The following ZNG1E variants were observed in gnomAD, a reference collection of about 807,000 sequenced individuals.
The protein encoded by ZNG1E is Zn regulated GTPase metalloprotein activator 1E.
chr9:65,710,572 CG>C, the ZNG1E span, among the ~76,000 whole-genome samples: 1 of 149,692 alleles, frequency 6.7e-6, no homozygotes, highest in East Asian at 2.0e-4. Context: ...TTTCTACATA[CG>C]GCTAGCCAGT....
At chr9:65,667,487 C>A in the ZNG1E span, among the ~76,000 whole-genome samples, 1 of 152,242 alleles carries the variant, frequency 6.6e-6, no homozygotes, top group Non-Finnish European at 1.5e-5. Context: ...CGAAGCTAAC[C>A]AGTCTAAAAT....
the ZNG1E span, among the ~76,000 whole-genome samples, chr9:65,668,028 T>C: frequency 6.9e-6 from 1 of 145,142 alleles, no homozygotes; most frequent in Non-Finnish European, 1.5e-5. Context: ...GATGTATTTC[T>C]AATTCTAGTG....
the ZNG1E span, among the ~76,000 whole-genome samples, chr9:65,680,381 T>C: frequency 2.0e-5 from 3 of 152,228 alleles, no homozygotes; most frequent in Admixed American, 6.5e-5. Context: ...ACTGTTTTTT[T>C]CATCATCTTA....
chr9:65,706,401 C>G, the ZNG1E span: 1 of 80,954 alleles, frequency 1.2e-5, no homozygotes. Context: ...CTTTTTCTTT[C>G]CCTTTTTTGT....
At chr9:65,665,288 C>T in the ZNG1E span, among the ~76,000 whole-genome samples, 10 of 152,262 alleles carry the variant, frequency 6.6e-5, no homozygotes, top group African/African-American at 2.4e-4. Flanking sequence ...GCCCAGGGTC[C>T]CTCTGCTGTA....
the ZNG1E span, among the ~76,000 whole-genome samples, chr9:65,667,061 T>C: frequency 3.9e-5 from 6 of 152,252 alleles, no homozygotes; most frequent in African/African-American, 1.4e-4. Flanking sequence ...CCTCAGGTGA[T>C]CCACCTGTCT....
the ZNG1E span, among the ~76,000 whole-genome samples, chr9:65,671,602 G>A: frequency 2.0e-5 from 3 of 152,240 alleles, no homozygotes; most frequent in East Asian, 5.8e-4. Context: ...TTACAGGCAT[G>A]AGCCACTGTG....
At chr9:65,683,878 G>T in the ZNG1E span, among the ~76,000 whole-genome samples, 1 of 152,280 alleles carries the variant, frequency 6.6e-6, no homozygotes, top group Non-Finnish European at 1.5e-5. Flanking sequence ...CTAATATGTT[G>T]GCGTTAAATA....
At chr9:65,714,305 C>A in the ZNG1E span, among the ~76,000 whole-genome samples, 1 of 151,174 alleles carries the variant, frequency 6.6e-6, no homozygotes, top group South Asian at 2.1e-4. Flanking sequence ...GTTTGAATGT[C>A]CTCCCGTAGC....
the ZNG1E span, among the ~76,000 whole-genome samples, chr9:65,664,840 A>C: frequency 6.6e-6 from 1 of 152,186 alleles, no homozygotes; most frequent in Non-Finnish European, 1.5e-5. Flanking sequence ...GGAAACAAGA[A>C]ACTTGTTGGG....
At chr9:65,698,291 TC>T in the ZNG1E span, among the ~76,000 whole-genome samples, 31 of 6,826 alleles carry the variant, frequency 4.5e-3, no homozygotes, top group African/African-American at 0.02. Context: ...GCCCTCTTCC[TC>T]CCCCTATAAA....
chr9:65,695,938 A>AT, the ZNG1E span, among the ~76,000 whole-genome samples: 1 of 151,740 alleles, frequency 6.6e-6, no homozygotes, highest in Admixed American at 6.6e-5. Context: ...TATTTAAAAA[A>AT]TATTTTGCAA....
the ZNG1E span, among the ~76,000 whole-genome samples, chr9:65,726,350 G>GC: frequency 1.1e-4 from 4 of 35,996 alleles, 2 homozygotes; most frequent in East Asian, 2.0e-3. Context: ...GTTCTTTAAC[G>GC]CCCCCCAAAA....
the ZNG1E span, among the ~76,000 whole-genome samples, chr9:65,714,787 A>G: frequency 6.6e-6 from 1 of 151,782 alleles, no homozygotes; most frequent in African/African-American, 2.4e-5. Context: ...TGGGAGAACC[A>G]CTGCTCTCTT....
At chr9:65,709,333 G>A in the ZNG1E span, among the ~76,000 whole-genome samples, 19 of 151,302 alleles carry the variant, frequency 1.3e-4, no homozygotes, top group Non-Finnish European at 2.4e-4. Context: ...ATTTTTTCTT[G>A]AGTTTTTTTT....
chr9:65,664,027 A>G, the ZNG1E span, among the ~76,000 whole-genome samples: 1 of 152,256 alleles, frequency 6.6e-6, no homozygotes, highest in Non-Finnish European at 1.5e-5. Flanking sequence ...TGCACATACA[A>G]GCATGTTTTT....
chr9:65,654,316 TC>T, the ZNG1E span, among the ~76,000 whole-genome samples: 1,680 of 150,302 alleles, frequency 0.011, no homozygotes, highest in Non-Finnish European at 0.019. Flanking sequence ...TAAATCTCTT[TC>T]GTTTATAAAT....
chr9:65,688,249 ATAAT>A, the ZNG1E span, among the ~76,000 whole-genome samples: 1 of 139,190 alleles, frequency 7.2e-6, no homozygotes, highest in Non-Finnish European at 1.5e-5. Context: ...GGTTAAGTCA[ATAAT>A]TAAAAATAAT....
chr9:65,685,731 TC>T, the ZNG1E span, among the ~76,000 whole-genome samples: 1 of 152,236 alleles, frequency 6.6e-6, no homozygotes, highest in African/African-American at 2.4e-5. Context: ...TCTTTCAAAC[TC>T]CTATTCATGT....
Sources: gnomAD v4.1 joint callset for allele counts (sites outside exome capture counted in the v4.1 genomes callset) on GRCh38, gnomAD v4.1.1 for gene constraint, MANE v1.5 for transcripts, NCBI Gene and HGNC (gene_info 2026-07-23, HGNC 2026-07-21) for gene names.